PLCB4: variants seen among roughly 807,000 people sequenced by gnomAD.
PLCB4 encodes the protein phospholipase C beta 4, also known as 1-phosphatidylinositol 4,5-bisphosphate phosphodiesterase beta-4.
A neutral mutation model predicts 178.8 loss-of-function variants in PLCB4; 77 were observed. That is an observed-to-expected ratio of 0.43 (90% CI 0.36 to 0.52). PLCB4 has a LOEUF of 0.52. Among genes scored for constraint, PLCB4 ranks in the 20% least tolerant of loss-of-function variants. The probability of loss-of-function intolerance (pLI) is 0.00; values close to 1 mark genes in which losing one functional copy is unlikely to be tolerated. For missense variants in PLCB4, 1,024 were observed against 1,453.4 expected (o/e 0.70, Z 4.80); for synonymous variants, 496 against 490.8 (o/e 1.01, Z -0.14).
intron 30 of PLCB4, among the ~76,000 whole-genome samples, chr20:9,443,005 G>C (rs1388694428): frequency 6.6e-6 from 1 of 152,126 alleles, no homozygotes; most frequent in African/African-American, 2.4e-5. Context: ...CATTCATTTT[G>C]TTTGCCTAAG....
At chr20:9,393,507 C>T in intron 17 of PLCB4, 81 bp from the exon 18 acceptor site, 1 of 930,274 alleles carries the variant, frequency 1.1e-6, no homozygotes, top group Middle Eastern at 2.2e-4. Flanking sequence ...ACTCCCAGGC[C>T]TCCCAGGCTC....
chr20:9,153,129 C>T (rs1010372821), intron 2 of PLCB4, among the ~76,000 whole-genome samples: 1 of 152,144 alleles, frequency 6.6e-6, no homozygotes, highest in Non-Finnish European at 1.5e-5. Flanking sequence ...TTTACAGGCT[C>T]ATAGGCAGAA....
intron 3 of PLCB4, among the ~76,000 whole-genome samples, chr20:9,230,456 T>C (rs529777700): frequency 3.3e-5 from 5 of 151,906 alleles, no homozygotes; most frequent in African/African-American, 9.7e-5. Context: ...TAAGAAAAAG[T>C]TTTAGGAGGG....
intron 30 of PLCB4, among the ~76,000 whole-genome samples, chr20:9,441,716 G>C (rs144453862): frequency 6.6e-6 from 1 of 152,284 alleles, no homozygotes; most frequent in East Asian, 1.9e-4. Context: ...GAGGGTTCCC[G>C]TGGAAGGGAT....
At chr20:9,398,775 C>T (rs1204863938) in intron 19 of PLCB4, among the ~76,000 whole-genome samples, 1 of 151,990 alleles carries the variant, frequency 6.6e-6, no homozygotes, top group Non-Finnish European at 1.5e-5. Context: ...TCTCGGCTCA[C>T]TGCAAGCTCT....
chr20:9,182,412 C>T (rs1474491081), intron 2 of PLCB4, among the ~76,000 whole-genome samples: 1 of 152,146 alleles, frequency 6.6e-6, no homozygotes, highest in Admixed American at 6.5e-5. Flanking sequence ...GCATGTTCTT[C>T]GTTTTTTGTC....
At chr20:9,152,398 T>G (rs1286752912) in intron 2 of PLCB4, among the ~76,000 whole-genome samples, 10 of 152,036 alleles carry the variant, frequency 6.6e-5, no homozygotes, top group Non-Finnish European at 1.5e-4. Context: ...CCCTGTGTGG[T>G]GTACAGCCTA....
At chr20:9,222,036 GTTTTATTTTA>G (rs869180528) in intron 3 of PLCB4, among the ~76,000 whole-genome samples, 36,205 of 96,678 alleles carry the variant, frequency 0.37, 7,888 homozygotes, top group South Asian at 0.52. Context: ...ATTTTATTTT[GTTTTATTTTA>G]TTTTATTTTA....
At chr20:9,452,915 A>C (rs2042850358) in intron 32 of PLCB4, among the ~76,000 whole-genome samples, 1 of 152,238 alleles carries the variant, frequency 6.6e-6, no homozygotes. Context: ...GAATAGTTAC[A>C]TTTAGCATAT....
chr20:9,282,903 T>G (rs1320201159), intron 3 of PLCB4, among the ~76,000 whole-genome samples: 1 of 151,990 alleles, frequency 6.6e-6, no homozygotes, highest in East Asian at 1.9e-4. Context: ...AACATGATAA[T>G]CTCAGGGTTT....
chr20:9,112,871 A>G (rs1369951734), intron 2 of PLCB4, among the ~76,000 whole-genome samples: 4 of 96,480 alleles, frequency 4.1e-5, no homozygotes, highest in African/African-American at 1.9e-4. Flanking sequence ...AATTATAACA[A>G]TTTCCTCTTG....
In PLCB4 at chr20:9,380,239, G is replaced by T. The variant is rs1018916529; in HGVS notation, c.853+77G>T. On this transcript the variant is annotated intron_variant, in intron 13 of 39. Coordinates refer to ENST00000378473, the MANE Select transcript of PLCB4 (RefSeq NM_001377142.1). ...TTTTAAAGCCTTGGTTTATTTAAAG[G>T]TATCTGTAAATGCTTTGCAACTCCC... 5.4e-6 allele frequency: 4 copies of T among 737,262 alleles called. No individual in the cohort carries two copies. The African/African-American group carries it at 7.2e-5, about 13-fold the overall frequency. The allele number at this position is 737,262 out of a possible 1,614,324, so 45.7% of individuals were successfully genotyped here.
chr20:9,463,828 A>G (rs934592321), intron 35 of PLCB4, among the ~76,000 whole-genome samples: 1 of 152,068 alleles, frequency 6.6e-6, no homozygotes, highest in Non-Finnish European at 1.5e-5. Flanking sequence ...CATAATAATA[A>G]TGGGAGACTT....
In PLCB4 at chr20:9,141,420, T is replaced by C. The variant is rs972009056; in HGVS notation, c.-79+45078T>C. ...TCTAAAAAGAAAGTTAGTAAGTTAG[T>C]AAAAGAATCAAAATGCCAGATGGGA... On this transcript the variant is annotated intron_variant, in intron 2 of 39. Transcript: ENST00000378473. 2.0e-5 allele frequency among the ~76,000 whole-genome samples: 3 copies of C among 152,104 alleles called. No individual in the cohort carries two copies. In the East Asian group the frequency reaches 5.8e-4, roughly 29 times the overall value.
chr20:9,402,526 G>C (rs2039105469), intron 20 of PLCB4, among the ~76,000 whole-genome samples: 1 of 152,194 alleles, frequency 6.6e-6, no homozygotes, highest in Non-Finnish European at 1.5e-5. Flanking sequence ...AGGGGGCAGT[G>C]TAGCCTGATT....
intron 2 of PLCB4, among the ~76,000 whole-genome samples, chr20:9,201,700 G>A (rs1251117431): frequency 3.3e-5 from 5 of 152,134 alleles, no homozygotes; most frequent in African/African-American, 4.8e-5. Flanking sequence ...ACACACCTAT[G>A]AGCATGGCTA....
At chr20:9,364,683 G>C (rs748908249) in intron 8 of PLCB4, among the ~76,000 whole-genome samples, 5 of 152,198 alleles carry the variant, frequency 3.3e-5, no homozygotes, top group South Asian at 2.1e-4. Flanking sequence ...AAAGTAGTTA[G>C]TGGTGCTTCT....
At chr20:9,179,540 A>G (rs2093211459) in intron 2 of PLCB4, among the ~76,000 whole-genome samples, 1 of 152,190 alleles carries the variant, frequency 6.6e-6, no homozygotes, top group African/African-American at 2.4e-5. Context: ...GTAAGATGAC[A>G]TATTTGTGTT....
intron 2 of PLCB4, among the ~76,000 whole-genome samples, chr20:9,175,724 C>T (rs1251249843): frequency 6.6e-6 from 1 of 152,190 alleles, no homozygotes; most frequent in Non-Finnish European, 1.5e-5. Flanking sequence ...CTCCCCTCAT[C>T]TGCCTCCTGC....
Sources: allele counts gnomAD v4.1 joint callset (sites outside exome capture counted in the v4.1 genomes callset), GRCh38; gene constraint gnomAD v4.1.1; transcripts MANE v1.5; gene names NCBI Gene and HGNC (gene_info 2026-07-23, HGNC 2026-07-21).